The following GRID1 variants were observed in gnomAD, a reference collection of about 807,000 sequenced individuals.
GRID1 encodes the protein glutamate receptor ionotropic, delta-1.
GRID1 carries 28 observed loss-of-function variants against 98.0 expected under a neutral mutation model. The observed-to-expected ratio is 0.29, with a 90% CI of 0.21 to 0.39. The LOEUF (loss-of-function observed/expected upper bound fraction) is 0.39, where lower values mean the gene tolerates loss of function less well. Ranked by LOEUF, GRID1 falls within the 10% of genes least tolerant of loss-of-function variation. The pLI is 1.00. For synonymous variants in GRID1, 553 were observed against 538.5 expected, an observed-to-expected ratio of 1.03 and a Z score of -0.37; for missense variants, 1,111 against 1,340.5, an observed-to-expected ratio of 0.83 and a Z score of 2.67.
chr10:85,853,223 C>G (rs1037052132), intron 8 of GRID1, among the ~76,000 whole-genome samples: 6 of 152,164 alleles, frequency 3.9e-5, no homozygotes, highest in African/African-American at 1.2e-4. Flanking sequence ...CCCTCAGGAG[C>G]AAAACCAAAG....
intron 4 of GRID1, among the ~76,000 whole-genome samples, chr10:86,136,809 T>C (rs1355926430): frequency 6.6e-6 from 1 of 152,154 alleles, no homozygotes; most frequent in African/African-American, 2.4e-5. Context: ...CAAAAGAAAC[T>C]GTAGAATACT....
At chr10:86,027,228 T>C (rs1843127651) in intron 4 of GRID1, among the ~76,000 whole-genome samples, 1 of 152,234 alleles carries the variant, frequency 6.6e-6, no homozygotes, top group Non-Finnish European at 1.5e-5. Context: ...AGGACAATCT[T>C]ATATCCATTA....
chr10:86,239,194 A>G (rs895108402), intron 2 of GRID1, among the ~76,000 whole-genome samples: 2 of 152,238 alleles, frequency 1.3e-5, no homozygotes, highest in African/African-American at 4.8e-5. Context: ...AAAGGAGATT[A>G]TTTTGAAGCT....
chr10:85,877,230 C>A (rs1843343432), intron 5 of GRID1, among the ~76,000 whole-genome samples: 1 of 152,138 alleles, frequency 6.6e-6, no homozygotes, highest in African/African-American at 2.4e-5. Context: ...TTAAATGTCC[C>A]TGTTTGACAG....
intron 8 of GRID1, among the ~76,000 whole-genome samples, chr10:85,790,176 G>A (rs1201211367): frequency 6.6e-6 from 1 of 152,212 alleles, no homozygotes; most frequent in Non-Finnish European, 1.5e-5. Flanking sequence ...CAAAGCGGGT[G>A]AGGGCCAGCC....
chr10:85,713,631 T>TAA (rs34974084), intron 12 of GRID1, among the ~76,000 whole-genome samples: 1,805 of 141,034 alleles, frequency 0.013, 24 homozygotes, highest in Middle Eastern at 0.026. Flanking sequence ...AATAGCACAT[T>TAA]AAAAAAAAAA....
chr10:86,262,858 A>G (rs927241919), intron 2 of GRID1, among the ~76,000 whole-genome samples: 1 of 152,024 alleles, frequency 6.6e-6, no homozygotes, highest in African/African-American at 2.4e-5. Flanking sequence ...GGCGACAGAG[A>G]GCCCAGGAGC....
At chr10:85,935,826 G>A (rs7070790) in intron 4 of GRID1, among the ~76,000 whole-genome samples, 2,069 of 152,228 alleles carry the variant, frequency 0.014, 39 homozygotes, top group African/African-American at 0.046. Flanking sequence ...GCTAGATAGT[G>A]GTAAAGGCCT....
intron 4 of GRID1, among the ~76,000 whole-genome samples, chr10:86,102,155 A>T (rs1337514955): frequency 1.3e-5 from 2 of 152,326 alleles, no homozygotes; most frequent in Non-Finnish European, 2.9e-5. Context: ...AGACAGGAAG[A>T]CTCTGAGCAG....
rs754787489 is a variant in GRID1 at position 86,365,524 on chromosome 10, T to A, written c.79+790A>T. Among the ~76,000 whole-genome samples the A allele has an allele frequency of 6.7e-6, 1 of 149,578 alleles. No individual in the cohort carries two copies. The highest frequency in any genetic ancestry group is 1.5e-5 in the Non-Finnish European group (1 of 67,462). Reference sequence around the variant, plus strand: ...TCTCCCGGTTCTCTCTCTCTATCCATCTCTTCCCGCTCAGCATCCCCCTAC... The same window carrying A: ...TCTCCCGGTTCTCTCTCTCTATCCAACTCTTCCCGCTCAGCATCCCCCTAC... On this transcript the variant is annotated intron_variant, in intron 1 of 15. Transcript: ENST00000327946. The surrounding 1 kb of genome is among the most constrained non-coding windows in gnomAD (Gnocchi z 4.8).
At chr10:85,998,199 T>G (rs1842763139) in intron 4 of GRID1, among the ~76,000 whole-genome samples, 1 of 152,170 alleles carries the variant, frequency 6.6e-6, no homozygotes, top group Non-Finnish European at 1.5e-5. Flanking sequence ...AATATGCTTT[T>G]TTATCAAGAG....
At chr10:86,212,665 G>A (rs1159187642) in intron 2 of GRID1, among the ~76,000 whole-genome samples, 6 of 152,168 alleles carry the variant, frequency 3.9e-5, no homozygotes, top group Non-Finnish European at 7.3e-5. Context: ...CCTGCCCCCA[G>A]CCACCCTCAT....
At chr10:85,804,529 C>T (rs2132756364) in intron 8 of GRID1, among the ~76,000 whole-genome samples, 1 of 151,850 alleles carries the variant, frequency 6.6e-6, no homozygotes, top group East Asian at 1.9e-4. Flanking sequence ...CAATGTTATA[C>T]TCATTCAAAA....
intron 4 of GRID1, among the ~76,000 whole-genome samples, chr10:85,919,839 T>C (rs1257055891): frequency 6.6e-6 from 1 of 152,200 alleles, no homozygotes; most frequent in Non-Finnish European, 1.5e-5. Context: ...CATAAGGCTT[T>C]TGAATACCAA....
At chr10:86,000,784 G>A (rs190808117) in intron 4 of GRID1, among the ~76,000 whole-genome samples, 43 of 152,136 alleles carry the variant, frequency 2.8e-4, no homozygotes, top group South Asian at 2.5e-3. Context: ...AAAATGGACC[G>A]TCATTCTGGA....
intron 4 of GRID1, among the ~76,000 whole-genome samples, chr10:86,110,243 G>A (rs1730093709): frequency 6.6e-6 from 1 of 152,026 alleles, no homozygotes. Flanking sequence ...CAAAGTGTTG[G>A]GATTACAGGC....
intron 2 of GRID1, among the ~76,000 whole-genome samples, chr10:86,288,911 C>G (rs1381586784): frequency 6.6e-6 from 1 of 152,224 alleles, no homozygotes; most frequent in Non-Finnish European, 1.5e-5. Flanking sequence ...CCACCACTCC[C>G]CAGCACTTAG....
At chr10:86,239,892 T>C (rs1442757008) in intron 2 of GRID1, among the ~76,000 whole-genome samples, 2 of 152,164 alleles carry the variant, frequency 1.3e-5, no homozygotes, top group African/African-American at 4.8e-5. Context: ...AGGGTCCTTA[T>C]AGAAGTGATT....
chr10:86,217,491 G>C lies in GRID1; in HGVS notation c.236-10843C>G, dbSNP rs778040475. On this transcript the variant is annotated intron_variant, in intron 2 of 15. Transcript: ENST00000327946. ...GTTTTTAGAGACTCGGCCAAGTAGA[G>C]AGTGGAGGAGCTTGGGGCCAATTCC... 1.0e-3 allele frequency among the ~76,000 whole-genome samples: 155 copies of C among 152,324 alleles called. 1 individual carries two copies. The highest frequency in any genetic ancestry group is 9.1e-4 in the Non-Finnish European group (62 of 68,034).
Sources: gnomAD v4.1 joint callset for allele counts (sites outside exome capture counted in the v4.1 genomes callset) on GRCh38, gnomAD v4.1.1 for gene constraint, Gnocchi (gnomAD v3.1) non-coding constraint, MANE v1.5 for transcripts, NCBI Gene and HGNC (gene_info 2026-07-23, HGNC 2026-07-21) for gene names.